BRI3: variants seen among roughly 807,000 people sequenced by gnomAD.
The protein encoded by BRI3 is brain protein I3.
Under a neutral mutation model 12.8 loss-of-function variants are expected in BRI3, and 6 were observed. That is an observed-to-expected ratio of 0.47 (90% CI 0.26 to 0.93). The LOEUF is 0.93. Among genes scored for constraint, BRI3 ranks in the 40% least tolerant of loss-of-function variants. The probability of loss-of-function intolerance (pLI) is 0.15; values close to 1 mark genes in which losing one functional copy is unlikely to be tolerated. For missense variants in BRI3, 134 were observed against 171.1 expected, an observed-to-expected ratio of 0.78 and a Z score of 1.21; for synonymous variants, 91 against 76.1, an observed-to-expected ratio of 1.20 and a Z score of -1.02.
At chr7:98,317,706 A>T in the BRI3 span, among the ~76,000 whole-genome samples, 1 of 136,186 alleles carries the variant, frequency 7.3e-6, no homozygotes, top group Non-Finnish European at 1.6e-5. Flanking sequence ...GGCTGGGACC[A>T]TCACCCCGCA....
At chr7:98,282,777 T>TG in intron 2 of BRI3, 1 of 296,956 alleles carries the variant, frequency 3.4e-6, no homozygotes, top group Non-Finnish European at 6.4e-6. Context: ...TTCTGGGACT[T>TG]GCAAGGAATC....
chr7:98,294,070 C>T, downstream of BRI3: 2 of 1,614,088 alleles, frequency 1.2e-6, no homozygotes, highest in Middle Eastern at 1.7e-4. Flanking sequence ...GAAGCCACGC[C>T]TACCTGAGAA....
chr7:98,308,318 A>G, exon 2 of BRI3: 1 of 458,922 alleles, frequency 2.2e-6, no homozygotes, highest in Non-Finnish European at 4.4e-6. Flanking sequence ...TCCACAAAGA[A>G]AAGAAGAAAG....
chr7:98,317,465 C>T, the BRI3 span: 123 of 1,366,818 alleles, frequency 9.0e-5, 1 homozygote, highest in South Asian at 1.5e-3. Flanking sequence ...GCCCTGACAC[C>T]CTCACTTCAC....
At chr7:98,296,340 A>G (rs1478909812), downstream of BRI3, among the ~76,000 whole-genome samples, 1 of 152,194 alleles carries the variant, frequency 6.6e-6, no homozygotes, top group Non-Finnish European at 1.5e-5. Context: ...TAAAATATGT[A>G]TTGGGCCAGG....
At chr7:98,307,250 C>A (rs939682544) in intron 1 of BRI3, 1 of 304,984 alleles carries the variant, frequency 3.3e-6, no homozygotes, top group African/African-American at 2.3e-5. Context: ...GGATTACAGG[C>A]GCCTGCCACC....
chr7:98,315,209 C>T (rs551972917), downstream of BRI3, among the ~76,000 whole-genome samples: 1 of 152,298 alleles, frequency 6.6e-6, no homozygotes, highest in East Asian at 1.9e-4. Context: ...GCAGCCTCAA[C>T]TTCCCAGGCT....
At chr7:98,293,992 T>A, downstream of BRI3, 1 of 1,475,790 alleles carries the variant, frequency 6.8e-7, no homozygotes, top group Non-Finnish European at 9.4e-7. Context: ...CCCCCTGGGC[T>A]GGGCACCGAA....
chr7:98,291,272 C>T lies in BRI3; in HGVS notation c.*29C>T. 1 of 1,611,516 alleles carries T rather than the reference C, an allele frequency of 6.2e-7. No individual in the cohort carries two copies. The highest frequency in any genetic ancestry group is 8.5e-7 in the Non-Finnish European group (1 of 1,179,546). ...GAACACCAGGCCCGGCTTTCCTACA[C>T]CCAGCTCTCTTTTTCTAATGTAAAT... On this transcript the variant is annotated 3_prime_UTR_variant, in exon 3 of 3. Coordinates refer to ENST00000297290, the MANE Select transcript of BRI3 (RefSeq NM_015379.5).
At chr7:98,320,101 T>A in the BRI3 span, 2 of 1,613,474 alleles carry the variant, frequency 1.2e-6, no homozygotes, top group Non-Finnish European at 1.7e-6. Flanking sequence ...CTCCAGCTCA[T>A]GGATAATCTC....
At chr7:98,290,495 ATC>A (rs1361784714) in intron 2 of BRI3, among the ~76,000 whole-genome samples, 2 of 138,322 alleles carry the variant, frequency 1.4e-5, no homozygotes, top group Non-Finnish European at 3.1e-5. Flanking sequence ...GCGCCCGGCC[ATC>A]TCTCAAGGTT....
At chr7:98,302,593 C>T (rs776044911), upstream of BRI3, among the ~76,000 whole-genome samples, 3 of 56,490 alleles carry the variant, frequency 5.3e-5, no homozygotes, top group East Asian at 3.5e-4. Context: ...CACGGGGGAA[C>T]GCAGAAAGGA....
At chr7:98,282,135 G>T (rs913569156) in intron 1 of BRI3, among the ~76,000 whole-genome samples, 198 bp downstream of exon 1, 3 of 152,164 alleles carry the variant, frequency 2.0e-5, no homozygotes, top group Non-Finnish European at 4.4e-5. Context: ...GTCGTAACCC[G>T]GCGGGGCCGG....
the BRI3 span, chr7:98,319,976 A>T: frequency 9.2e-7 from 1 of 1,084,052 alleles, no homozygotes; most frequent in Non-Finnish European, 1.4e-6. Context: ...GCTGCTGATG[A>T]GTCAACAGTG....
In BRI3 at chr7:98,291,490, A is replaced by C; in HGVS notation, c.*247A>C. 1 of 1,327,470 alleles carries C rather than the reference A, an allele frequency of 7.5e-7. No individual in the cohort carries two copies. Among genetic ancestry groups the C allele is most frequent in the Non-Finnish European group, 9.6e-7 (1 of 1,037,060 alleles). 82.2% of individuals were successfully genotyped at this position (1,327,470 alleles called of 1,614,324 possible). On this transcript the variant is annotated 3_prime_UTR_variant, in exon 3 of 3. Transcript: ENST00000297290. ...CAGTCTTCAATTTGAGAAAGGTGAG[A>C]AATAATGTTTTCAATAAATGAGATT...
intron 2 of BRI3, among the ~76,000 whole-genome samples, chr7:98,283,744 G>T (rs1461765551): frequency 1.3e-5 from 2 of 152,198 alleles, no homozygotes; most frequent in Non-Finnish European, 2.9e-5. Flanking sequence ...TTCCGGTCCT[G>T]GTCCTGCCAG....
chr7:98,292,218 G>C (rs921077950), downstream of BRI3: 1 of 204,680 alleles, frequency 4.9e-6, no homozygotes, highest in Non-Finnish European at 1.0e-5. Context: ...TAAAGGAGAG[G>C]GGATAAGTCA....
downstream of BRI3, among the ~76,000 whole-genome samples, chr7:98,296,639 CAAAA>C (rs959938087): frequency 1.3e-5 from 2 of 152,090 alleles, no homozygotes. Flanking sequence ...AACAAAAAAA[CAAAA>C]AACCAACAAA....
In BRI3 at chr7:98,281,753, C is replaced by A; in HGVS notation, c.-43C>A. On this transcript the variant is annotated 5_prime_UTR_variant, in exon 1 of 3. Transcript: ENST00000297290. ...CCGCCGCGTCCCCCGCCGGGGCCGA[C>A]CGAGCCGAGCCGGGCCGGAGCGGCG... The A allele has an allele frequency of 1.0e-6, 1 of 990,780 alleles. No individual in the cohort carries two copies. The highest frequency in any genetic ancestry group is 1.2e-6 in the Non-Finnish European group (1 of 829,434). 61.4% of individuals were successfully genotyped at this position (990,780 alleles called of 1,614,324 possible).
Sources: gnomAD v4.1 joint callset for allele counts (sites outside exome capture counted in the v4.1 genomes callset) on GRCh38, gnomAD v4.1.1 for gene constraint, MANE v1.5 for transcripts, NCBI Gene and HGNC (gene_info 2026-07-23, HGNC 2026-07-21) for gene names.